Variants in SGCD observed in about 807,000 individuals in gnomAD.
The protein encoded by SGCD is sarcoglycan delta, also known as delta-sarcoglycan.
Under a neutral mutation model 36.6 loss-of-function variants are expected in SGCD, and 18 were observed. The observed-to-expected ratio is 0.49, with a 90% CI of 0.34 to 0.73. The LOEUF (loss-of-function observed/expected upper bound fraction) is 0.73. SGCD is among the 30% of genes least tolerant of loss of function. SGCD has a pLI of 0.01. For synonymous variants in SGCD, 133 were observed against 130.6 expected (o/e 1.02, Z -0.12); for missense variants, 387 against 346.7 (o/e 1.12, Z -0.92).
chr5:156,694,078 C>A (rs1241096199), intron 7 of SGCD, among the ~76,000 whole-genome samples: 1 of 152,152 alleles, frequency 6.6e-6, no homozygotes, highest in East Asian at 1.9e-4. Context: ...GCAATTGCAA[C>A]CTGGATTTTT....
At chr5:156,610,730 C>T (rs967206204) in intron 6 of SGCD, among the ~76,000 whole-genome samples, 3 of 152,240 alleles carry the variant, frequency 2.0e-5, no homozygotes, top group Non-Finnish European at 4.4e-5. Context: ...CTTACTCAAG[C>T]CTCGGCAAAG....
At chr5:156,080,542 C>A (rs1319156220) in intron 1 of SGCD, among the ~76,000 whole-genome samples, 1 of 152,218 alleles carries the variant, frequency 6.6e-6, no homozygotes. Context: ...GCTCCCACAT[C>A]TGAGCATAAG....
chr5:156,537,334 C>T (rs1184707435), intron 4 of SGCD, among the ~76,000 whole-genome samples: 1 of 151,990 alleles, frequency 6.6e-6, no homozygotes, highest in Non-Finnish European at 1.5e-5. Flanking sequence ...TATCCTGCCT[C>T]TAGTACCTTC....
chr5:155,984,144 A>T (rs1758282312), intron 1 of SGCD, among the ~76,000 whole-genome samples: 1 of 152,176 alleles, frequency 6.6e-6, no homozygotes. Context: ...AAGCACATTC[A>T]CATACTTGAT....
chr5:156,521,249 T>G (rs953190428), intron 4 of SGCD, among the ~76,000 whole-genome samples: 1 of 151,872 alleles, frequency 6.6e-6, no homozygotes, highest in Non-Finnish European at 1.5e-5. Context: ...CCACAAAAAC[T>G]CTAGAAGAAA....
At chr5:156,617,486 A>C (rs569736899) in intron 6 of SGCD, among the ~76,000 whole-genome samples, 1 of 152,268 alleles carries the variant, frequency 6.6e-6, no homozygotes, top group African/African-American at 2.4e-5. Context: ...ATTAACAGAA[A>C]TTTATAGGAG....
chr5:156,101,902 C>CTGTGTG (rs36187985), intron 1 of SGCD, among the ~76,000 whole-genome samples: 10,923 of 106,142 alleles, frequency 0.1, 577 homozygotes, highest in African/African-American at 0.13. Context: ...GTGTCTCCAG[C>CTGTGTG]TGTGTGTGTG....
At chr5:156,505,099 A>G (rs1031169050) in intron 3 of SGCD, among the ~76,000 whole-genome samples, 3 of 152,206 alleles carry the variant, frequency 2.0e-5, no homozygotes, top group Admixed American at 6.5e-5. Context: ...GATCACTAAT[A>G]ATGCAAAACA....
chr5:155,759,131 C>T, the SGCD span, among the ~76,000 whole-genome samples: 1 of 152,056 alleles, frequency 6.6e-6, no homozygotes, highest in Non-Finnish European at 1.5e-5. Context: ...CATGAGCCAC[C>T]ACACCTGGCC....
chr5:156,680,138 G>A (rs1753666904), intron 7 of SGCD, among the ~76,000 whole-genome samples: 1 of 152,146 alleles, frequency 6.6e-6, no homozygotes, highest in Admixed American at 6.6e-5. Flanking sequence ...AGTTGAAGAT[G>A]CAAATGGCCT....
chr5:156,217,190 C>A (rs1197212556), intron 3 of SGCD, among the ~76,000 whole-genome samples: 1 of 152,178 alleles, frequency 6.6e-6, no homozygotes, highest in Admixed American at 6.5e-5. Context: ...GGGTACGTGA[C>A]TCTTTAAACA....
At chr5:156,007,659 T>C (rs1475848712) in intron 1 of SGCD, among the ~76,000 whole-genome samples, 2 of 152,158 alleles carry the variant, frequency 1.3e-5, no homozygotes, top group Non-Finnish European at 2.9e-5. Context: ...GTAGACAGAA[T>C]GATAAACTTT....
At chr5:155,832,092 AATCTT>A in the SGCD span, among the ~76,000 whole-genome samples, 1 of 152,154 alleles carries the variant, frequency 6.6e-6, no homozygotes, top group Non-Finnish European at 1.5e-5. Flanking sequence ...ATTAGGGAAA[AATCTT>A]AAGATATAGT....
At chr5:156,389,556 G>A (rs1216388973) in intron 3 of SGCD, among the ~76,000 whole-genome samples, 2 of 152,158 alleles carry the variant, frequency 1.3e-5, no homozygotes, top group African/African-American at 4.8e-5. Context: ...CCATGGCCAG[G>A]GCAGGAGGCA....
chr5:156,342,664 A>T (rs1768725580), intron 2 of SGCD, among the ~76,000 whole-genome samples: 1 of 152,248 alleles, frequency 6.6e-6, no homozygotes, highest in African/African-American at 2.4e-5. Context: ...AATTATCAGA[A>T]GCTGAGATTT....
At chr5:155,954,563 CTTT>C (rs199889260) in intron 1 of SGCD, among the ~76,000 whole-genome samples, 17 of 130,720 alleles carry the variant, frequency 1.3e-4, no homozygotes, top group African/African-American at 1.9e-4. Context: ...TTATGGGGTT[CTTT>C]TTTTTTTTTT....
chr5:156,129,024 C>A (rs1232492858), intron 3 of SGCD, among the ~76,000 whole-genome samples: 2 of 152,172 alleles, frequency 1.3e-5, no homozygotes. Flanking sequence ...TCTATGATGA[C>A]AGAAATCGGC....
At chr5:156,414,941 C>A (rs563254444) in intron 3 of SGCD, among the ~76,000 whole-genome samples, 1 of 152,218 alleles carries the variant, frequency 6.6e-6, no homozygotes, top group South Asian at 2.1e-4. Context: ...GTAGCTTAGT[C>A]CTAATAAGTA....
chr5:156,477,462 C>G (rs1323776172), intron 3 of SGCD, among the ~76,000 whole-genome samples: 2 of 152,084 alleles, frequency 1.3e-5, no homozygotes, highest in South Asian at 2.1e-4. Context: ...CACAAACAAT[C>G]TCATTTCAAT....
Sources: gnomAD v4.1 joint callset for allele counts (sites outside exome capture counted in the v4.1 genomes callset) on GRCh38, gnomAD v4.1.1 for gene constraint, MANE v1.5 for transcripts, NCBI Gene and HGNC (gene_info 2026-07-23, HGNC 2026-07-21) for gene names.